Variants in CCDC149 observed in about 807,000 individuals in gnomAD.
CCDC149 encodes coiled-coil domain containing 149.
Under a neutral mutation model 59.9 loss-of-function variants are expected in CCDC149, and 45 were observed. The observed-to-expected ratio is 0.75, with a 90% confidence interval of 0.59 to 0.96. CCDC149 has a LOEUF of 0.96. Among genes scored for constraint, CCDC149 ranks in the 40% least tolerant of loss-of-function variants. The pLI is 0.00. For synonymous variants in CCDC149, 245 were observed against 260.6 expected (o/e 0.94, Z 0.58); for missense variants, 584 against 664.7 (o/e 0.88, Z 1.33).
At chr4:24,945,350 A>G (rs571735369) in intron 1 of CCDC149, among the ~76,000 whole-genome samples, 2 of 152,340 alleles carry the variant, frequency 1.3e-5, no homozygotes, top group South Asian at 4.1e-4. Flanking sequence ...AGGAGAAGAG[A>G]CACACAGATC....
chr4:24,821,266 GAA>G (rs537302468), intron 10 of CCDC149, among the ~76,000 whole-genome samples, 179 bp from the exon 11 acceptor site: 3 of 143,428 alleles, frequency 2.1e-5, no homozygotes, highest in Non-Finnish European at 3.1e-5. Flanking sequence ...ACTCATTTGA[GAA>G]AAAAAAAAAT....
chr4:24,865,456 A>G (rs933087394), intron 3 of CCDC149, among the ~76,000 whole-genome samples: 1 of 152,216 alleles, frequency 6.6e-6, no homozygotes, highest in Admixed American at 6.5e-5. Flanking sequence ...TGCTTTGCTT[A>G]GCAAGGGCCC....
In CCDC149 at chr4:24,944,573, T is replaced by A. The variant is rs529286485; in HGVS notation, c.-65+35496A>T. ...ATTTAAAAAAAAAAGACTTAAAAAA[T>A]AAATAAATAAATTCTGAAGGTGGGG... On this transcript the variant is annotated intron_variant, in intron 1 of 12. Transcript: ENST00000389609. Among the ~76,000 whole-genome samples, 9 of 148,902 alleles carry A rather than the reference T, an allele frequency of 6.0e-5. No individual in the cohort carries two copies. In the East Asian group the frequency reaches 1.8e-3, roughly 29 times the overall value.
At chr4:24,852,889 G>GCACA (rs949313728) in intron 4 of CCDC149, among the ~76,000 whole-genome samples, 183 bp downstream of exon 4, 2 of 151,846 alleles carry the variant, frequency 1.3e-5, no homozygotes, top group African/African-American at 4.8e-5. Flanking sequence ...ATACATGCAT[G>GCACA]CACACACACA....
At chr4:24,804,285 G>A (rs1423640701), downstream of CCDC149, among the ~76,000 whole-genome samples, 1 of 152,272 alleles carries the variant, frequency 6.6e-6, no homozygotes, top group East Asian at 1.9e-4. Context: ...GAGGTTGGGA[G>A]TTTGAGACCA....
chr4:24,942,397 C>T lies in CCDC149; in HGVS notation c.-65+37672G>A, dbSNP rs1722980359. ...AATTAGGTATTGATGAGACGTATCT[C>T]AAAATAATAAGAGCTATCTATGACA... On this transcript the variant is annotated intron_variant, in intron 1 of 12. Coordinates refer to the CCDC149 transcript ENST00000389609. Among the ~76,000 whole-genome samples the T allele has an allele frequency of 1.3e-5, 2 of 152,124 alleles. 1 individual carries two copies. The highest frequency in any genetic ancestry group is 2.9e-5 in the Non-Finnish European group (2 of 68,036).
chr4:24,898,166 G>A (rs1720949769), intron 1 of CCDC149, among the ~76,000 whole-genome samples: 2 of 152,188 alleles, frequency 1.3e-5, no homozygotes, highest in Admixed American at 1.3e-4. Flanking sequence ...AAGCCCCGGG[G>A]AAGGGTTTTC....
At chr4:24,944,627 G>A (rs747021233) in intron 1 of CCDC149, among the ~76,000 whole-genome samples, 1 of 151,982 alleles carries the variant, frequency 6.6e-6, no homozygotes, top group Non-Finnish European at 1.5e-5. Context: ...AGAGCATTAG[G>A]ACAAATACCT....
intron 2 of CCDC149, 117 bp downstream of exon 2, chr4:24,876,419 T>G (rs1218089931): frequency 9.5e-6 from 11 of 1,158,194 alleles, no homozygotes; most frequent in Non-Finnish European, 1.3e-5. Flanking sequence ...ACTTCTAAAT[T>G]TTTCCACTTT....
intron 1 of CCDC149, among the ~76,000 whole-genome samples, chr4:24,897,178 A>T (rs1336536501): frequency 6.6e-6 from 1 of 152,126 alleles, no homozygotes; most frequent in Non-Finnish European, 1.5e-5. Flanking sequence ...GCTGTGACTG[A>T]ACCTTGAGAG....
At chr4:24,962,289 A>T (rs1723656344) in intron 1 of CCDC149, among the ~76,000 whole-genome samples, 1 of 152,246 alleles carries the variant, frequency 6.6e-6, no homozygotes, top group South Asian at 2.1e-4. Context: ...TAGAATGGCG[A>T]TCATTAAAAC....
At chr4:24,911,533 A>G (rs913209579) in intron 1 of CCDC149, among the ~76,000 whole-genome samples, 1 of 152,224 alleles carries the variant, frequency 6.6e-6, no homozygotes, top group South Asian at 2.1e-4. Flanking sequence ...ACTACTAAGT[A>G]TGATTCTTGA....
intron 3 of CCDC149, among the ~76,000 whole-genome samples, chr4:24,860,418 T>C (rs1390119063): frequency 6.6e-6 from 1 of 152,170 alleles, no homozygotes; most frequent in Non-Finnish European, 1.5e-5. Context: ...TGGATCCTCA[T>C]CTCTCACCTT....
intron 1 of CCDC149, among the ~76,000 whole-genome samples, chr4:24,944,486 A>T (rs958475696): frequency 6.6e-5 from 10 of 152,118 alleles, no homozygotes; most frequent in African/African-American, 1.7e-4. Context: ...CCAACATGGC[A>T]CATGTATACA....
chr4:24,876,500 C>G (rs766994293), intron 2 of CCDC149, 36 bp downstream of exon 2: 78 of 1,567,324 alleles, frequency 5.0e-5, no homozygotes, highest in South Asian at 2.2e-4. Flanking sequence ...ATTCAGGGAA[C>G]AGGAAAGTCG....
At position 24,807,167 on chromosome 4, in the gene CCDC149, C is replaced by G. The variant is rs1444210149; in HGVS notation, c.*1222G>C. 6.6e-6 allele frequency: 1 copy of G among 152,096 alleles called. No individual in the cohort carries two copies. Among genetic ancestry groups the G allele is most frequent in the Non-Finnish European group, 1.5e-5 (1 of 68,016 alleles). The allele number at this position is 152,096 out of a possible 1,614,324, so 9.4% of individuals were successfully genotyped here. On this transcript the variant is annotated 3_prime_UTR_variant, in exon 13 of 13. Transcript: ENST00000635206. ...CTTTGGGATCTAGTCTCAGGCTTTC[C>G]AGGGAAGGAAAAAGCTATGGCTGGA...
At chr4:24,895,093 C>T in intron 1 of CCDC149, 1 of 1,258,084 alleles carries the variant, frequency 7.9e-7, no homozygotes, top group Non-Finnish European at 1.1e-6. Flanking sequence ...GGCAACTATC[C>T]ACTACTTATG....
intron 4 of CCDC149, among the ~76,000 whole-genome samples, chr4:24,851,082 A>C (rs1018399624): frequency 6.6e-6 from 1 of 152,088 alleles, no homozygotes; most frequent in Non-Finnish European, 1.5e-5. Context: ...AATAGCAGTC[A>C]CTAAATTCTA....
intron 1 of CCDC149, among the ~76,000 whole-genome samples, chr4:24,888,931 A>G (rs1175699234): frequency 6.7e-6 from 1 of 149,182 alleles, no homozygotes; most frequent in Non-Finnish European, 1.5e-5. Flanking sequence ...TTTTTTTATG[A>G]TCTATCTTTC....
Sources: allele counts gnomAD v4.1 joint callset (sites outside exome capture counted in the v4.1 genomes callset), GRCh38; gene constraint gnomAD v4.1.1; transcripts MANE v1.5; gene names NCBI Gene and HGNC (gene_info 2026-07-23, HGNC 2026-07-21).